Variants in KCNA2 observed in about 807,000 individuals in gnomAD.
The protein encoded by KCNA2 is potassium channel, voltage gated shaker related subfamily A, member 2.
KCNA2 carries 11 observed loss-of-function variants against 33.4 expected under a neutral mutation model. The observed-to-expected ratio is 0.33, with a 90% CI of 0.21 to 0.55. The LOEUF is 0.55. Ranked by LOEUF, KCNA2 falls within the 20% of genes least tolerant of loss-of-function variation. KCNA2 has a pLI of 0.93. For synonymous variants in KCNA2, 222 were observed against 231.3 expected (o/e 0.96, Z 0.37); for missense variants, 291 against 621.6 (o/e 0.47, Z 5.66).
At chr1:110,631,085 A>G (rs954002041) in intron 1 of KCNA2, among the ~76,000 whole-genome samples, 17 of 152,140 alleles carry the variant, frequency 1.1e-4, no homozygotes, top group African/African-American at 4.1e-4. Context: ...TCCAAGCCTC[A>G]GACCCCATCC....
rs888428682 is a variant in KCNA2 at position 110,596,797 on chromosome 1, T to A, written c.*6486A>T. ...TCAGGATGTTCCTGTCCCTGAGGTTTCCCCATCAGTTAACTGAGGTTTTGC... is the reference window on the plus strand; with the variant it reads ...TCAGGATGTTCCTGTCCCTGAGGTTACCCCATCAGTTAACTGAGGTTTTGC... On this transcript the variant is annotated 3_prime_UTR_variant, in exon 3 of 3. Coordinates refer to ENST00000316361, the MANE Select transcript of KCNA2 (RefSeq NM_004974.4). 8 of 985,310 alleles carry A rather than the reference T, an allele frequency of 8.1e-6. No individual in the cohort carries two copies. Among genetic ancestry groups the A allele is most frequent in the Admixed American group, 6.2e-5 (1 of 16,260 alleles). The allele number at this position is 985,310 out of a possible 1,614,324, so 61.0% of individuals were successfully genotyped here. A position where few individuals can be genotyped will look rare whatever the true frequency, so the allele number is the denominator to read the frequency against.
At position 110,604,696 on chromosome 1, in the gene KCNA2, G is replaced by T; in HGVS notation, c.87C>A (p.His29Gln). ...PQDTYDPEADHECCERVVINI... is the reference protein window; with the variant it reads ...PQDTYDPEADQECCERVVINI... Reference sequence around the variant, plus strand: ...TGATCACCACCCTCTCACAGCACTCGTGGTCTGCCTCTGGGTCATAGGTGT... The same window carrying T: ...TGATCACCACCCTCTCACAGCACTCTTGGTCTGCCTCTGGGTCATAGGTGT... The change falls in exon 3 of 3, where the codon CAC becomes CAA. Residue 29 changes from histidine (H) to glutamine (Q), a missense_variant. Around this residue, in one of 5 missense-constraint regions of KCNA2, gnomAD observed 163 missense variants for 273.5 expected, o/e 0.60. Transcript: ENST00000316361. This position sits in a 1 kb window ranked among gnomAD's most constrained non-coding sequence, Gnocchi z 7.6. The T allele has an allele frequency of 6.8e-6, 11 of 1,614,150 alleles. No homozygotes were observed. Among genetic ancestry groups the T allele is most frequent in the Non-Finnish European group, 9.3e-6 (11 of 1,180,040 alleles).
intron 1 of KCNA2, among the ~76,000 whole-genome samples, chr1:110,625,059 CA>C (rs1364066356): frequency 2.0e-5 from 3 of 152,182 alleles, no homozygotes; most frequent in African/African-American, 7.2e-5. Context: ...CCTTTAGAGT[CA>C]GGATACTTTG....
At chr1:110,625,705 A>G (rs2101468054) in intron 1 of KCNA2, among the ~76,000 whole-genome samples, 1 of 152,344 alleles carries the variant, frequency 6.6e-6, no homozygotes, top group Admixed American at 6.5e-5. Context: ...ATCCAGACAA[A>G]TGGCTAATCT....
At position 110,603,523 on chromosome 1, in the gene KCNA2, C is replaced by T; in HGVS notation, c.1260G>A (p.Glu420=). ...ATTGGGCCTGTTCCTCTCCCTCTGTCTCCCGGTGGTAGAAGTAGTTGAAAT... is the reference window on the plus strand; with the variant it reads ...ATTGGGCCTGTTCCTCTCCCTCTGTTTCCCGGTGGTAGAAGTAGTTGAAAT... ...VSNFNYFYHR[E]TEGEEQAQYL... is the part of the protein sequence containing the mutation. Residue 420 remains glutamate, a synonymous_variant, in exon 3 of 3, where the codon GAG becomes GAA. Coordinates refer to ENST00000316361, the MANE Select transcript of KCNA2 (RefSeq NM_004974.4). This position sits in a 1 kb window ranked among gnomAD's most constrained non-coding sequence, Gnocchi z 5.7. 2.5e-6 allele frequency: 4 copies of T among 1,614,112 alleles called. No individual in the cohort carries two copies. The highest frequency in any genetic ancestry group is 3.4e-6 in the Non-Finnish European group (4 of 1,180,026).
Position 110,597,092 on chromosome 1 carries a change from C to T in KCNA2, c.*6191G>A, listed in dbSNP as rs1649128936. 1.0e-6 allele frequency: 1 copy of T among 985,342 alleles called. No individual in the cohort carries two copies. Among genetic ancestry groups the T allele is most frequent in the South Asian group, 4.7e-5 (1 of 21,288 alleles). 61.0% of individuals were successfully genotyped at this position (985,342 alleles called of 1,614,324 possible). ...ACTGAAACCCACAAGAACCTGCTTCCTTCTGCAGCTCTCACGGAGTCCCTT... is the reference window on the plus strand; with the variant it reads ...ACTGAAACCCACAAGAACCTGCTTCTTTCTGCAGCTCTCACGGAGTCCCTT... On this transcript the variant is annotated 3_prime_UTR_variant, in exon 3 of 3. Coordinates refer to ENST00000316361, the MANE Select transcript of KCNA2 (RefSeq NM_004974.4).
Position 110,594,808 on chromosome 1 carries a change from C to G in KCNA2, c.*8475G>C. ...CTCTTCTTGCTTTTCTATCCCATTT[C>G]TTAGCCTGGAGCTGATGTGCTCCTT... On this transcript the variant is annotated 3_prime_UTR_variant, in exon 3 of 3. Transcript: ENST00000316361. 1 of 985,522 alleles carries G rather than the reference C, an allele frequency of 1.0e-6. No homozygotes were observed. Among genetic ancestry groups the G allele is most frequent in the African/African-American group, 1.7e-5 (1 of 57,294 alleles). The allele number at this position is 985,522 out of a possible 1,614,324, so 61.0% of individuals were successfully genotyped here.
In KCNA2 at chr1:110,603,252, A is replaced by G; in HGVS notation, c.*31T>C. ...ATTATGCAACATCTGCATTAGTTCC[A>G]TTGAGCTGTGAGTACGGTAATAGGT... On this transcript the variant is annotated 3_prime_UTR_variant, in exon 3 of 3. Coordinates refer to ENST00000316361, the MANE Select transcript of KCNA2 (RefSeq NM_004974.4). This position sits in a 1 kb window ranked among gnomAD's most constrained non-coding sequence, Gnocchi z 5.7. The G allele has an allele frequency of 2.5e-6, 4 of 1,569,796 alleles. No individual in the cohort carries two copies. In the South Asian group the frequency reaches 4.9e-5, roughly 19 times the overall value.
In KCNA2 at chr1:110,597,350, A is replaced by AG. The variant is rs146511239; in HGVS notation, c.*5932dup. 2,678 of 985,366 alleles carry AG rather than the reference A, an allele frequency of 2.7e-3. 57 individuals are homozygous for AG. In the African/African-American group the frequency reaches 0.043, roughly 16 times the overall value. The allele number at this position is 985,366 out of a possible 1,614,324, so 61.0% of individuals were successfully genotyped here. A position where few individuals can be genotyped will look rare whatever the true frequency, so the allele number is the denominator to read the frequency against. On this transcript the variant is annotated 3_prime_UTR_variant, in exon 3 of 3. Transcript: ENST00000316361. The stretch of plus-strand genomic sequence containing the variant: ...TATCTATTGGGAAGTGCTTTCGTGT[A>AG]GGCTTCCATTACATCTGCCAGACTG...
At chr1:110,621,320 A>G (rs1305597919) in intron 1 of KCNA2, among the ~76,000 whole-genome samples, 1 of 152,264 alleles carries the variant, frequency 6.6e-6, no homozygotes, top group Non-Finnish European at 1.5e-5. Flanking sequence ...CAGCCTGATT[A>G]TAACTTCATT....
At chr1:110,614,273 T>C (rs1649979709) in intron 1 of KCNA2, among the ~76,000 whole-genome samples, 1 of 152,228 alleles carries the variant, frequency 6.6e-6, no homozygotes, top group African/African-American at 2.4e-5. Flanking sequence ...GTTTTCTAAC[T>C]TCAAAGTGGG....
chr1:110,624,430 A>G (rs1297416389), intron 1 of KCNA2, among the ~76,000 whole-genome samples: 2 of 152,274 alleles, frequency 1.3e-5, no homozygotes, highest in East Asian at 3.8e-4. Flanking sequence ...ATTGCCAGAA[A>G]TGGCACATCT....
chr1:110,617,929 T>A (rs750948130), intron 1 of KCNA2, among the ~76,000 whole-genome samples: 11 of 152,110 alleles, frequency 7.2e-5, no homozygotes, highest in Admixed American at 2.0e-4. Flanking sequence ...GCTGGCCTGA[T>A]GCTCAGGAGA....
intron 1 of KCNA2, among the ~76,000 whole-genome samples, chr1:110,611,487 G>A (rs1384088720): frequency 1.3e-5 from 2 of 152,208 alleles, no homozygotes; most frequent in South Asian, 2.1e-4. Flanking sequence ...CCAGTAATTT[G>A]GGAGGCTGAG....
At chr1:110,624,114 C>T (rs1303302774) in intron 1 of KCNA2, among the ~76,000 whole-genome samples, 1 of 152,138 alleles carries the variant, frequency 6.6e-6, no homozygotes, top group African/African-American at 2.4e-5. Context: ...TAAGCATATA[C>T]CTACTATATT....
chr1:110,630,005 T>C, intron 1 of KCNA2, among the ~76,000 whole-genome samples: 1 of 122,968 alleles, frequency 8.1e-6, no homozygotes. Context: ...CTAAGTGCTC[T>C]GTACTTTTTT....
Position 110,598,055 on chromosome 1 carries a change from C to G in KCNA2, c.*5228G>C, listed in dbSNP as rs767947281. 1.4e-4 allele frequency: 141 copies of G among 985,298 alleles called. No individual in the cohort carries two copies. Among genetic ancestry groups the G allele is most frequent in the Admixed American group, 1.2e-4 (2 of 16,272 alleles). 61.0% of individuals were successfully genotyped at this position (985,298 alleles called of 1,614,324 possible). On this transcript the variant is annotated 3_prime_UTR_variant, in exon 3 of 3. Coordinates refer to ENST00000316361, the MANE Select transcript of KCNA2 (RefSeq NM_004974.4). Reference sequence around the variant, plus strand: ...CAATAGCTACTGAGAGAGCTCCCAGCATCCCCCTCTCTGCGCGTTGGCTCA... The same window carrying G: ...CAATAGCTACTGAGAGAGCTCCCAGGATCCCCCTCTCTGCGCGTTGGCTCA...
At position 110,601,474 on chromosome 1, in the gene KCNA2, G is replaced by A. The variant is rs972714584; in HGVS notation, c.*1809C>T. On this transcript the variant is annotated 3_prime_UTR_variant, in exon 3 of 3. Transcript: ENST00000316361. ...AGGTGAAAATGGAGATGATGAACAG[G>A]ATGAACTGTAGAGAGGAGGCCCGGG... 8 of 985,662 alleles carry A rather than the reference G, an allele frequency of 8.1e-6. No homozygotes were observed. Among genetic ancestry groups the A allele is most frequent in the Non-Finnish European group, 9.6e-6 (8 of 830,174 alleles). The allele number at this position is 985,662 out of a possible 1,614,324, so 61.1% of individuals were successfully genotyped here.
At position 110,601,269 on chromosome 1, in the gene KCNA2, C is replaced by T. The variant is rs1649331173; in HGVS notation, c.*2014G>A. On this transcript the variant is annotated 3_prime_UTR_variant, in exon 3 of 3. Transcript: ENST00000316361. ...CCATCACTTAGTCCCGGACTTCAGA[C>T]ATTTCCACATAGAGGAGGCTCCCTT... 1 of 985,418 alleles carries T rather than the reference C, an allele frequency of 1.0e-6. No individual in the cohort carries two copies. Among genetic ancestry groups the T allele is most frequent in the African/African-American group, 1.7e-5 (1 of 57,350 alleles). 61.0% of individuals were successfully genotyped at this position (985,418 alleles called of 1,614,324 possible).
Sources: allele counts gnomAD v4.1 joint callset (sites outside exome capture counted in the v4.1 genomes callset), GRCh38; gene constraint gnomAD v4.1.1; regional missense constraint gnomAD v4.1.1; non-coding constraint Gnocchi (gnomAD v3.1); transcripts MANE v1.5; gene names NCBI Gene and HGNC (gene_info 2026-07-23, HGNC 2026-07-21).